NALF1: variants seen among roughly 807,000 people sequenced by gnomAD.
NALF1 encodes NALCN channel auxiliary factor 1.
NALF1 carries 3 observed loss-of-function variants against 48.4 expected under a neutral mutation model. The ratio of observed to expected loss-of-function variants is 0.06; its 90% confidence interval spans 0.03 to 0.16. NALF1 has a LOEUF of 0.16. Among genes scored for constraint, NALF1 ranks in the 10% least tolerant of loss-of-function variants. NALF1 has a pLI of 1.00. For missense variants in NALF1, 526 were observed against 571.5 expected, an observed-to-expected ratio of 0.92 and a Z score of 0.81; for synonymous variants, 262 against 245.7, an observed-to-expected ratio of 1.07 and a Z score of -0.62.
intron 1 of NALF1, among the ~76,000 whole-genome samples, chr13:107,831,342 AAAAG>A (rs1879722924): frequency 6.6e-6 from 1 of 152,186 alleles, no homozygotes; most frequent in Non-Finnish European, 1.5e-5. Flanking sequence ...AAAACTCTTA[AAAAG>A]TAAGCCTCGG....
At chr13:107,522,925 A>G (rs1305811315) in intron 1 of NALF1, among the ~76,000 whole-genome samples, 1 of 151,866 alleles carries the variant, frequency 6.6e-6, no homozygotes, top group Non-Finnish European at 1.5e-5. Context: ...GCCCCTCCAG[A>G]TTCTTTGAAA....
At chr13:107,430,767 C>T (rs1226338536) in intron 1 of NALF1, among the ~76,000 whole-genome samples, 1 of 152,148 alleles carries the variant, frequency 6.6e-6, no homozygotes, top group Non-Finnish European at 1.5e-5. Flanking sequence ...CATACGTGTA[C>T]ATGTGTCTTT....
At chr13:107,480,568 T>C (rs1469558684) in intron 1 of NALF1, among the ~76,000 whole-genome samples, 1 of 152,130 alleles carries the variant, frequency 6.6e-6, no homozygotes, top group Non-Finnish European at 1.5e-5. Context: ...CTAACACTAA[T>C]GACAGCTGAT....
chr13:107,695,628 A>C (rs976829335), intron 1 of NALF1, among the ~76,000 whole-genome samples: 1 of 152,230 alleles, frequency 6.6e-6, no homozygotes, highest in South Asian at 2.1e-4. Context: ...TTTGGAGAAT[A>C]AAATAACACA....
intron 1 of NALF1, among the ~76,000 whole-genome samples, chr13:107,317,081 G>C (rs1209849523): frequency 6.6e-6 from 1 of 152,070 alleles, no homozygotes; most frequent in East Asian, 1.9e-4. Context: ...CATTATTGTA[G>C]AGACATTAGT....
intron 1 of NALF1, among the ~76,000 whole-genome samples, chr13:107,439,156 T>G (rs904088951): frequency 6.6e-6 from 1 of 152,162 alleles, no homozygotes; most frequent in Non-Finnish European, 1.5e-5. Context: ...TATCTCATTG[T>G]AATCGACTTA....
At chr13:107,207,228 T>C (rs1458521376) in intron 2 of NALF1, among the ~76,000 whole-genome samples, 3 of 152,306 alleles carry the variant, frequency 2.0e-5, no homozygotes, top group East Asian at 3.9e-4. Flanking sequence ...TAAACTTTGA[T>C]ATATTTATTA....
chr13:107,232,001 A>G (rs1314598840), intron 1 of NALF1, among the ~76,000 whole-genome samples: 2 of 152,220 alleles, frequency 1.3e-5, no homozygotes, highest in Admixed American at 1.3e-4. Context: ...AAAGACATGG[A>G]ATTACTATGA....
chr13:107,580,400 C>T (rs1878271325), intron 1 of NALF1, among the ~76,000 whole-genome samples: 1 of 152,148 alleles, frequency 6.6e-6, no homozygotes, highest in Non-Finnish European at 1.5e-5. Context: ...GCCTGGAAAG[C>T]TCTGCCTGAA....
At chr13:107,213,014 T>C (rs1041591291) in intron 1 of NALF1, among the ~76,000 whole-genome samples, 2 of 152,062 alleles carry the variant, frequency 1.3e-5, no homozygotes, top group African/African-American at 4.8e-5. Context: ...AAATGGGTTC[T>C]GAATAGGGAA....
At chr13:107,692,670 G>T (rs1329212488) in intron 1 of NALF1, among the ~76,000 whole-genome samples, 4 of 152,148 alleles carry the variant, frequency 2.6e-5, no homozygotes, top group Non-Finnish European at 5.9e-5. Flanking sequence ...CCAAAACTAT[G>T]CATTATAAGT....
chr13:107,801,369 T>C (rs1049935262), intron 1 of NALF1, among the ~76,000 whole-genome samples: 1 of 152,200 alleles, frequency 6.6e-6, no homozygotes, highest in Non-Finnish European at 1.5e-5. Flanking sequence ...TAGGATGATG[T>C]CGATTTGTTT....
chr13:107,710,645 C>T (rs1459133171), intron 1 of NALF1, among the ~76,000 whole-genome samples: 1 of 149,250 alleles, frequency 6.7e-6, no homozygotes, highest in African/African-American at 2.6e-5. Flanking sequence ...AACTCACTAT[C>T]GCAAGAAGAG....
At chr13:107,725,254 T>C (rs1307222213) in intron 1 of NALF1, among the ~76,000 whole-genome samples, 2 of 152,258 alleles carry the variant, frequency 1.3e-5, no homozygotes. Context: ...ATCAATTTTA[T>C]AAACACATTA....
chr13:107,571,977 A>C (rs573654551), intron 1 of NALF1, among the ~76,000 whole-genome samples: 2 of 152,308 alleles, frequency 1.3e-5, no homozygotes, highest in East Asian at 3.9e-4. Flanking sequence ...ACGTGTGTGT[A>C]GCAAATTACA....
chr13:107,352,496 T>G (rs60866127), intron 1 of NALF1, among the ~76,000 whole-genome samples: 4,084 of 152,242 alleles, frequency 0.027, 173 homozygotes, highest in African/African-American at 0.092. Flanking sequence ...CAAAATCATG[T>G]TGCCAATGTG....
intron 1 of NALF1, among the ~76,000 whole-genome samples, chr13:107,499,369 G>C (rs990165817): frequency 4.0e-5 from 6 of 151,570 alleles, no homozygotes; most frequent in African/African-American, 1.5e-4. Context: ...TTCTGAGAAA[G>C]GGTCTCACTC....
chr13:107,218,969 C>T (rs898071390), intron 1 of NALF1, among the ~76,000 whole-genome samples: 37 of 152,150 alleles, frequency 2.4e-4, no homozygotes, highest in African/African-American at 8.0e-4. Context: ...TGAATATTAA[C>T]GATGATAATA....
chr13:107,464,481 G>C (rs1477203627), intron 1 of NALF1, among the ~76,000 whole-genome samples: 1 of 152,004 alleles, frequency 6.6e-6, no homozygotes, highest in Non-Finnish European at 1.5e-5. Flanking sequence ...TGTGTTTTCA[G>C]AAATCATGCC....
Sources: gnomAD v4.1 joint callset for allele counts (sites outside exome capture counted in the v4.1 genomes callset) on GRCh38, gnomAD v4.1.1 for gene constraint, MANE v1.5 for transcripts, NCBI Gene and HGNC (gene_info 2026-07-23, HGNC 2026-07-21) for gene names.